RAB4A: variants seen among roughly 807,000 people sequenced by gnomAD.
RAB4A encodes the protein RAB4A, member RAS oncogene family.
A neutral mutation model predicts 34.5 loss-of-function variants in RAB4A; 20 were observed. The ratio of observed to expected loss-of-function variants is 0.58; its 90% CI spans 0.41 to 0.84. The LOEUF is 0.84. Ranked by LOEUF, RAB4A falls within the 40% of genes least tolerant of loss-of-function variation. RAB4A has a pLI of 0.00. For missense variants in RAB4A, 228 were observed against 274.5 expected (o/e 0.83, Z 1.20); for synonymous variants, 102 against 100.0 (o/e 1.02, Z -0.12).
At chr1:229,297,281 G>T (rs755267898) in intron 4 of RAB4A, among the ~76,000 whole-genome samples, 1 of 152,216 alleles carries the variant, frequency 6.6e-6, no homozygotes, top group Non-Finnish European at 1.5e-5. Flanking sequence ...CTCACTTGCT[G>T]TCTCATTTTA....
At chr1:229,295,377 G>T (rs1657214997) in intron 3 of RAB4A, among the ~76,000 whole-genome samples, 1 of 152,196 alleles carries the variant, frequency 6.6e-6, no homozygotes, top group South Asian at 2.1e-4. Flanking sequence ...AATAGGGCAG[G>T]GATGCAGGTG....
At chr1:229,293,417 T>C (rs1657147319) in intron 3 of RAB4A, among the ~76,000 whole-genome samples, 1 of 152,260 alleles carries the variant, frequency 6.6e-6, no homozygotes, top group African/African-American at 2.4e-5. Flanking sequence ...CCCAAGGCTC[T>C]CTAGCCTGCT....
chr1:229,303,245 C>T (rs1657464670), intron 7 of RAB4A, among the ~76,000 whole-genome samples: 1 of 151,914 alleles, frequency 6.6e-6, no homozygotes, highest in Non-Finnish European at 1.5e-5. Flanking sequence ...CACCTGTAGT[C>T]CCAGCTACTC....
chr1:229,291,658 T>C (rs1387996164), intron 3 of RAB4A, among the ~76,000 whole-genome samples: 1 of 152,182 alleles, frequency 6.6e-6, no homozygotes, highest in Non-Finnish European at 1.5e-5. Flanking sequence ...GGGCGCAGTA[T>C]GTGCTCTTTT....
At chr1:229,285,868 T>A (rs753237353) in intron 1 of RAB4A, among the ~76,000 whole-genome samples, 2 of 152,238 alleles carry the variant, frequency 1.3e-5, no homozygotes, top group Admixed American at 6.5e-5. Context: ...AAAAATAATA[T>A]CCCAAATTAA....
chr1:229,302,305 ATATATTTTT>A (rs1432814995), intron 6 of RAB4A, among the ~76,000 whole-genome samples: 19 of 37,848 alleles, frequency 5.0e-4, no homozygotes, highest in Non-Finnish European at 6.8e-4. Flanking sequence ...ATATATATAT[ATATATTTTT>A]TTTTTTTTTT....
At chr1:229,303,776 G>C (rs1657478549) in intron 7 of RAB4A, 30 bp from the exon 8 acceptor site, 1 of 152,222 alleles carries the variant, frequency 6.6e-6, no homozygotes, top group South Asian at 2.1e-4. Flanking sequence ...TAGTTATGCA[G>C]ATTTTGAAAT....
chr1:229,274,147 A>G (rs1481066334), intron 1 of RAB4A, among the ~76,000 whole-genome samples: 1 of 131,038 alleles, frequency 7.6e-6, no homozygotes, highest in Admixed American at 9.5e-5. Context: ...CCATCTCCCC[A>G]TCTCAAGTGA....
intron 1 of RAB4A, among the ~76,000 whole-genome samples, chr1:229,273,933 GTTTGCCTAACCTT>G (rs1467912786): frequency 1.3e-5 from 2 of 151,812 alleles, no homozygotes; most frequent in African/African-American, 4.8e-5. Context: ...GTGAAGGAAT[GTTTGCCTAACCTT>G]TAAACTCCTT....
At chr1:229,283,012 A>G (rs910205617) in intron 1 of RAB4A, among the ~76,000 whole-genome samples, 2 of 152,174 alleles carry the variant, frequency 1.3e-5, no homozygotes, top group Non-Finnish European at 2.9e-5. Flanking sequence ...TTTTCAACTG[A>G]AACGTGGATA....
At chr1:229,303,649 C>A (rs1657475334) in intron 7 of RAB4A, among the ~76,000 whole-genome samples, 157 bp from the exon 8 acceptor site, 1 of 152,174 alleles carries the variant, frequency 6.6e-6, no homozygotes, top group Non-Finnish European at 1.5e-5. Context: ...TTCCCATTTA[C>A]CACAGTGGAC....
intron 1 of RAB4A, among the ~76,000 whole-genome samples, chr1:229,275,870 C>G (rs1315782133): frequency 1.3e-5 from 2 of 151,202 alleles, no homozygotes; most frequent in African/African-American, 2.5e-5. Context: ...CATGATCCCG[C>G]CCTTCTCAGC....
intron 1 of RAB4A, among the ~76,000 whole-genome samples, chr1:229,282,928 CT>C (rs1348664318): frequency 6.6e-6 from 1 of 152,212 alleles, no homozygotes; most frequent in Non-Finnish European, 1.5e-5. Flanking sequence ...CATTTGTCAT[CT>C]TGACATAGGA....
At chr1:229,284,720 A>G (rs1656877954) in intron 1 of RAB4A, among the ~76,000 whole-genome samples, 1 of 152,008 alleles carries the variant, frequency 6.6e-6, no homozygotes, top group South Asian at 2.1e-4. Context: ...TATTCTTCTC[A>G]TGGTTCAGAG....
chr1:229,271,259 G>T lies in RAB4A; in HGVS notation c.-81G>T. The T allele has an allele frequency of 7.8e-7, 1 of 1,289,420 alleles. No individual in the cohort carries two copies. Among genetic ancestry groups the T allele is most frequent in the Non-Finnish European group, 9.9e-7 (1 of 1,013,302 alleles). 79.9% of individuals were successfully genotyped at this position (1,289,420 alleles called of 1,614,324 possible). A position where few individuals can be genotyped will look rare whatever the true frequency, so the allele number is the denominator to read the frequency against. ...CTCCCTCCTCCGGTCCCCCGCCCCAGGTCCTTCCCCACCGAGACGCGCCGG... is the reference window on the plus strand; with the variant it reads ...CTCCCTCCTCCGGTCCCCCGCCCCATGTCCTTCCCCACCGAGACGCGCCGG... On this transcript the variant is annotated 5_prime_UTR_variant, in exon 1 of 8. The change creates a new upstream start codon in the 5' untranslated region. Coordinates refer to ENST00000366690, the MANE Select transcript of RAB4A (RefSeq NM_004578.4).
intron 1 of RAB4A, among the ~76,000 whole-genome samples, chr1:229,284,035 C>T (rs544571282): frequency 6.6e-6 from 1 of 151,180 alleles, no homozygotes; most frequent in African/African-American, 2.4e-5. Context: ...CTGCGCCCGG[C>T]CTCAGAGTCT....
intron 1 of RAB4A, among the ~76,000 whole-genome samples, chr1:229,280,424 A>G (rs1656752483): frequency 6.6e-6 from 1 of 152,208 alleles, no homozygotes; most frequent in Admixed American, 6.5e-5. Context: ...AAAAGAATTG[A>G]TGGACAGCTC....
intron 3 of RAB4A, among the ~76,000 whole-genome samples, chr1:229,293,029 TCA>T (rs1221661555): frequency 6.6e-6 from 1 of 152,160 alleles, no homozygotes. Context: ...CCTCCATCCC[TCA>T]CATCCCCATC....
chr1:229,282,513 G>A (rs1656803409), intron 1 of RAB4A, among the ~76,000 whole-genome samples: 1 of 152,180 alleles, frequency 6.6e-6, no homozygotes, highest in South Asian at 2.1e-4. Flanking sequence ...GTTTCTTAGA[G>A]TGCTTTTTTC....
Sources: gnomAD v4.1 joint callset for allele counts (sites outside exome capture counted in the v4.1 genomes callset) on GRCh38, gnomAD v4.1.1 for gene constraint, MANE v1.5 for transcripts, NCBI Gene and HGNC (gene_info 2026-07-23, HGNC 2026-07-21) for gene names.